PRKG1: variants seen among roughly 807,000 people sequenced by gnomAD.
The protein encoded by PRKG1 is protein kinase cGMP-dependent 1.
A neutral mutation model predicts 88.1 loss-of-function variants in PRKG1; 35 were observed. The ratio of observed to expected loss-of-function variants is 0.40; its 90% CI spans 0.30 to 0.53. The LOEUF is 0.53. Among genes scored for constraint, PRKG1 ranks in the 20% least tolerant of loss-of-function variants. PRKG1 has a pLI of 0.59. For missense variants in PRKG1, 540 were observed against 839.8 expected (o/e 0.64, Z 4.41); for synonymous variants, 303 against 292.5 (o/e 1.04, Z -0.37).
At chr10:51,751,223 G>A (rs920420464) in intron 3 of PRKG1, among the ~76,000 whole-genome samples, 4 of 152,032 alleles carry the variant, frequency 2.6e-5, no homozygotes, top group East Asian at 1.9e-4. Context: ...CAGTTCAACC[G>A]AACTGTTTGT....
intron 13 of PRKG1, 131 bp downstream of exon 13, chr10:52,281,061 G>C (rs1014073802): frequency 1.1e-5 from 12 of 1,075,282 alleles, no homozygotes; most frequent in Non-Finnish European, 1.6e-5. Context: ...GCAGATTTTA[G>C]CATTACACTT....
chr10:51,699,130 C>T, intron 3 of PRKG1: 3 of 1,614,204 alleles, frequency 1.9e-6, no homozygotes, highest in Non-Finnish European at 2.5e-6. Flanking sequence ...TCAGCTCAAA[C>T]ATCTGCTCCG....
At chr10:51,817,843 CTCT>C (rs1198429649) in intron 4 of PRKG1, among the ~76,000 whole-genome samples, 2 of 151,974 alleles carry the variant, frequency 1.3e-5, no homozygotes, top group East Asian at 1.9e-4. Context: ...TTTTTCCTTC[CTCT>C]TCTTCTCTTT....
intron 5 of PRKG1, among the ~76,000 whole-genome samples, chr10:51,958,546 C>CTTT (rs754914836): frequency 1.3e-3 from 120 of 92,856 alleles, no homozygotes; most frequent in South Asian, 8.2e-3. Flanking sequence ...ATTGTTGTTC[C>CTTT]TTTTTTTTTT....
rs1020844133 is a variant in PRKG1, at chr10:52,171,948, G to A, written c.1076+9985G>A. Among the ~76,000 whole-genome samples the A allele has an allele frequency of 2.4e-4, 36 of 150,530 alleles. No individual in the cohort carries two copies. In the South Asian group the frequency reaches 2.7e-3, roughly 11 times the overall value. The stretch of plus-strand genomic sequence containing the variant: ...CTCCCGAGTAGCTGGGACTACAGGC[G>A]CCCGCCACCGCGCCCGGCTAATTTT... On this transcript the variant is annotated intron_variant, in intron 9 of 17. Transcript: ENST00000373980.
intron 3 of PRKG1, among the ~76,000 whole-genome samples, chr10:51,567,461 G>A (rs1837636148): frequency 6.6e-6 from 1 of 152,006 alleles, no homozygotes; most frequent in Non-Finnish European, 1.5e-5. Context: ...GGCATTCGAG[G>A]GAGACCACAT....
Position 51,016,673 on chromosome 10 carries a change from C to CTTTTTT in PRKG1, c.266+25043_266+25048dup, listed in dbSNP as rs71029341. The stretch of plus-strand genomic sequence containing the variant: ...AGTGAAGAAGGTATTATTATCCTTT[C>CTTTTTT]TTTTTTTTTTTTTTTTTTTGGAATC... On this transcript the variant is annotated intron_variant, in intron 1 of 17. Transcript: ENST00000401604. Among the ~76,000 whole-genome samples the CTTTTTT allele has an allele frequency of 1.5e-3, 54 of 35,174 alleles. 13 individuals are homozygous for CTTTTTT. Among genetic ancestry groups the CTTTTTT allele is most frequent in the East Asian group, 9.6e-3 (12 of 1,248 alleles). 23.1% of individuals were successfully genotyped at this position (35,174 alleles called of 152,430 possible).
At chr10:52,244,430 C>T (rs948223514) in intron 9 of PRKG1, among the ~76,000 whole-genome samples, 2 of 151,586 alleles carry the variant, frequency 1.3e-5, no homozygotes, top group East Asian at 1.9e-4. Context: ...TAGAATCTAC[C>T]CATTTTTATT....
intron 7 of PRKG1, among the ~76,000 whole-genome samples, chr10:52,085,795 C>G (rs1204173524): frequency 1.3e-5 from 2 of 151,940 alleles, no homozygotes; most frequent in Non-Finnish European, 2.9e-5. Flanking sequence ...TTCTTGTATC[C>G]CCTATTTTAT....
intron 9 of PRKG1, among the ~76,000 whole-genome samples, chr10:52,205,197 A>C (rs1839787001): frequency 6.6e-6 from 1 of 152,108 alleles, no homozygotes; most frequent in Non-Finnish European, 1.5e-5. Flanking sequence ...GAAGTTCATT[A>C]GTGATTCTAG....
At chr10:51,657,967 G>A (rs979207377) in intron 3 of PRKG1, among the ~76,000 whole-genome samples, 28 of 152,172 alleles carry the variant, frequency 1.8e-4, no homozygotes, top group African/African-American at 6.7e-4. Context: ...TTTTTTGATT[G>A]CAGAAAAAGA....
chr10:51,281,478 G>A (rs537579800), intron 2 of PRKG1, among the ~76,000 whole-genome samples: 1 of 152,298 alleles, frequency 6.6e-6, no homozygotes, highest in African/African-American at 2.4e-5. Context: ...TAGCACAGCA[G>A]TCTGAGATGG....
At chr10:51,737,740 A>ATTTATTATTATTATT (rs765792966) in intron 3 of PRKG1, among the ~76,000 whole-genome samples, 1 of 133,434 alleles carries the variant, frequency 7.5e-6, no homozygotes, top group Admixed American at 7.7e-5. Context: ...TTTATTTATT[A>ATTTATTATTATTATT]ATTATTATTA....
intron 3 of PRKG1, among the ~76,000 whole-genome samples, chr10:51,611,054 T>TA (rs759867340): frequency 0.054 from 7,858 of 145,554 alleles, 230 homozygotes; most frequent in Middle Eastern, 0.098. Flanking sequence ...AACTTACAGT[T>TA]AAAAAAAAAA....
At chr10:51,410,604 G>C (rs940124802) in intron 2 of PRKG1, among the ~76,000 whole-genome samples, 4 of 152,026 alleles carry the variant, frequency 2.6e-5, no homozygotes, top group African/African-American at 9.7e-5. Context: ...CACCCTCACA[G>C]ACACACGCAG....
At chr10:51,974,823 C>T (rs1267170275) in intron 5 of PRKG1, among the ~76,000 whole-genome samples, 3 of 151,984 alleles carry the variant, frequency 2.0e-5, no homozygotes, top group Non-Finnish European at 4.4e-5. Flanking sequence ...TGATGTTTTT[C>T]TAAAAGATAA....
intron 1 of PRKG1, among the ~76,000 whole-genome samples, chr10:51,148,512 G>A (rs955929849): frequency 6.6e-6 from 1 of 152,026 alleles, no homozygotes; most frequent in South Asian, 2.1e-4. Flanking sequence ...TCACATTTCT[G>A]GGCAAGGCTG....
chr10:51,507,935 T>A (rs112223826), intron 3 of PRKG1, among the ~76,000 whole-genome samples: 3 of 151,978 alleles, frequency 2.0e-5, no homozygotes, highest in African/African-American at 7.3e-5. Flanking sequence ...GTTAAACATG[T>A]GTAATTTTTT....
chr10:51,060,846 T>A (rs1843683803), intron 1 of PRKG1, among the ~76,000 whole-genome samples: 1 of 152,222 alleles, frequency 6.6e-6, no homozygotes, highest in Non-Finnish European at 1.5e-5. Context: ...TTACCTTTAT[T>A]TTCAAAGGAT....
Sources: gnomAD v4.1 joint callset for allele counts (sites outside exome capture counted in the v4.1 genomes callset) on GRCh38, gnomAD v4.1.1 for gene constraint, MANE v1.5 for transcripts, NCBI Gene and HGNC (gene_info 2026-07-23, HGNC 2026-07-21) for gene names.